The following TMPRSS15 variants were observed in gnomAD, a reference collection of about 807,000 sequenced individuals.
TMPRSS15 encodes enteropeptidase.
Under a neutral mutation model 125.3 loss-of-function variants are expected in TMPRSS15, and 128 were observed. The ratio of observed to expected loss-of-function variants is 1.02; its 90% CI spans 0.89 to 1.18. The LOEUF (loss-of-function observed/expected upper bound fraction) is 1.18, where lower values mean the gene tolerates loss of function less well. TMPRSS15 is among the 50% of genes most tolerant of loss of function. The probability of loss-of-function intolerance (pLI) is 0.00; values close to 1 mark genes in which losing one functional copy is unlikely to be tolerated. For synonymous variants in TMPRSS15, 446 were observed against 423.2 expected, an observed-to-expected ratio of 1.05 and a Z score of -0.66; for missense variants, 1,283 against 1,212.7, an observed-to-expected ratio of 1.06 and a Z score of -0.86.
At chr21:18,457,189 T>C (rs1169976910) in intron 1 of TMPRSS15, among the ~76,000 whole-genome samples, 1 of 152,144 alleles carries the variant, frequency 6.6e-6, no homozygotes, top group Non-Finnish European at 1.5e-5. Context: ...CTCAGCATAG[T>C]GCTTACCGAG....
chr21:18,279,080 C>CA, intron 22 of TMPRSS15, 21 bp from the exon 23 acceptor site: 1 of 1,216,284 alleles, frequency 8.2e-7, no homozygotes, highest in Non-Finnish European at 1.2e-6. Flanking sequence ...AAGCAAACAG[C>CA]AAAACGAACA....
At chr21:18,433,656 C>A (rs2076221197) in intron 1 of TMPRSS15, among the ~76,000 whole-genome samples, 1 of 75,690 alleles carries the variant, frequency 1.3e-5, no homozygotes, top group Admixed American at 2.0e-4. Flanking sequence ...AAAGTAAGAC[C>A]TTGTCTCAAA....
intron 16 of TMPRSS15, among the ~76,000 whole-genome samples, chr21:18,325,240 T>C (rs562682341): frequency 1.8e-5 from 1 of 55,036 alleles, no homozygotes; most frequent in Admixed American, 2.1e-4. Context: ...ATTTACTCAT[T>C]GTTTTTTATT....
At chr21:18,387,729 T>A (rs2075957884) in intron 3 of TMPRSS15, among the ~76,000 whole-genome samples, 1 of 151,880 alleles carries the variant, frequency 6.6e-6, no homozygotes, top group South Asian at 2.1e-4. Flanking sequence ...GAGAAAATAG[T>A]TCAATGACTA....
intron 16 of TMPRSS15, among the ~76,000 whole-genome samples, chr21:18,319,856 A>T (rs1377444921): frequency 6.6e-6 from 1 of 152,212 alleles, no homozygotes; most frequent in Non-Finnish European, 1.5e-5. Context: ...CAATAATTGG[A>T]GCTATTTGTA....
rs958707721 is a variant in TMPRSS15 at position 18,279,045 on chromosome 21, T to C, written c.2683A>G (p.Ile895Val). 1.1e-5 allele frequency: 17 copies of C among 1,571,254 alleles called. No homozygotes were observed. Among genetic ancestry groups the C allele is most frequent in the Non-Finnish European group, 1.5e-5 (17 of 1,148,834 alleles). The change falls in exon 23 of 25, where the codon ATT (isoleucine) becomes GTT (valine). Residue 895 changes from isoleucine (I) to valine (V), a missense_variant. By Grantham distance (29) the Ile-to-Val change is conservative. Coordinates refer to ENST00000284885, the MANE Select transcript of TMPRSS15 (RefSeq NM_002772.3). The part of the protein sequence containing the change: ...KVNYTDYIQP[I>V]CLPEENQVFP... Reference sequence around the variant, plus strand: ...ACTTGATTTTCTTCCGGTAAACAAATAGGTTGTATGTAATCTGGAAAAACA... The same window carrying C: ...ACTTGATTTTCTTCCGGTAAACAAACAGGTTGTATGTAATCTGGAAAAACA...
At chr21:18,285,180 A>AG (rs1332239279) in intron 21 of TMPRSS15, among the ~76,000 whole-genome samples, 1 of 152,184 alleles carries the variant, frequency 6.6e-6, no homozygotes, top group Admixed American at 6.5e-5. Context: ...TTTGAAAAAA[A>AG]GATGCTTTTT....
intron 21 of TMPRSS15, among the ~76,000 whole-genome samples, chr21:18,281,709 G>A (rs1030962013): frequency 2.0e-5 from 3 of 152,158 alleles, no homozygotes; most frequent in Non-Finnish European, 2.9e-5. Context: ...TCCCTGTTAA[G>A]GGCTTTTTCA....
intron 18 of TMPRSS15, among the ~76,000 whole-genome samples, chr21:18,308,404 CAT>C (rs60253128): frequency 6.3e-4 from 96 of 151,602 alleles, no homozygotes; most frequent in Middle Eastern, 3.4e-3. Context: ...CACACACACA[CAT>C]TTAAAGTACA....
chr21:18,448,186 A>C (rs1281494811), intron 1 of TMPRSS15, among the ~76,000 whole-genome samples: 1 of 152,134 alleles, frequency 6.6e-6, no homozygotes, highest in Non-Finnish European at 1.5e-5. Context: ...CTGTTTTATT[A>C]ATAAAGTCAC....
chr21:18,392,081 G>A (rs1464904070), intron 3 of TMPRSS15, among the ~76,000 whole-genome samples: 1 of 152,152 alleles, frequency 6.6e-6, no homozygotes, highest in Non-Finnish European at 1.5e-5. Flanking sequence ...TTCCTCCTAG[G>A]CCTCCAGGCC....
intron 12 of TMPRSS15, among the ~76,000 whole-genome samples, chr21:18,342,324 A>G (rs2075455970): frequency 6.6e-6 from 1 of 152,128 alleles, no homozygotes. Context: ...TCATTCATTC[A>G]CTCATTTGTT....
chr21:18,470,814 A>G (rs565182528), intron 1 of TMPRSS15, among the ~76,000 whole-genome samples: 16 of 152,206 alleles, frequency 1.1e-4, no homozygotes, highest in Admixed American at 6.6e-4. Flanking sequence ...AGAGAGCCTC[A>G]AAATATAGTA....
chr21:18,272,516 G>C (rs1300679804), intron 24 of TMPRSS15, among the ~76,000 whole-genome samples: 1 of 152,080 alleles, frequency 6.6e-6, no homozygotes, highest in Admixed American at 6.6e-5. Flanking sequence ...CTGAGATCAG[G>C]AGTTCGAGAT....
rs150541538 is a variant in TMPRSS15 at position 18,339,059 on chromosome 21, A to G, written c.1564+2354T>C. Reference sequence around the variant, plus strand: ...TCTCTCATGTATTACTTTTAGGGGCATATAATTATACATTGCTTCAAATAT... The same window carrying G: ...TCTCTCATGTATTACTTTTAGGGGCGTATAATTATACATTGCTTCAAATAT... On this transcript the variant is annotated intron_variant, in intron 13 of 24. Transcript: ENST00000284885. Among the ~76,000 whole-genome samples, 514 of 152,220 alleles carry G rather than the reference A, an allele frequency of 3.4e-3. 5 individuals carry two copies. The highest frequency in any genetic ancestry group is 0.011 in the African/African-American group (464 of 41,538).
At chr21:18,317,867 C>T (rs1358966556) in intron 16 of TMPRSS15, among the ~76,000 whole-genome samples, 1 of 111,902 alleles carries the variant, frequency 8.9e-6, no homozygotes, top group Non-Finnish European at 1.8e-5. Context: ...CCCATCCCAT[C>T]CCATCCCATC....
chr21:18,469,056 G>A (rs912524962), intron 1 of TMPRSS15, among the ~76,000 whole-genome samples: 2 of 152,120 alleles, frequency 1.3e-5, no homozygotes, highest in African/African-American at 4.8e-5. Flanking sequence ...AAAAGCAATT[G>A]CAGCTGGCTG....
At chr21:18,406,290 G>A (rs2076151765), upstream of TMPRSS15, among the ~76,000 whole-genome samples, 1 of 152,164 alleles carries the variant, frequency 6.6e-6, no homozygotes, top group Non-Finnish European at 1.5e-5. Flanking sequence ...AAAAAGCCAT[G>A]CTCATTGGTT....
chr21:18,431,235 G>A (rs1055160540), intron 1 of TMPRSS15, among the ~76,000 whole-genome samples: 7 of 152,122 alleles, frequency 4.6e-5, no homozygotes, highest in African/African-American at 1.7e-4. Context: ...GCCCAAGGAT[G>A]TTATTGCTTT....
Sources: allele counts gnomAD v4.1 joint callset (sites outside exome capture counted in the v4.1 genomes callset), GRCh38; gene constraint gnomAD v4.1.1; transcripts MANE v1.5; gene names NCBI Gene and HGNC (gene_info 2026-07-23, HGNC 2026-07-21).